The following SOX6 variants were observed in gnomAD, a reference collection of about 807,000 sequenced individuals.
The protein encoded by SOX6 is SRY-box transcription factor 6, also known as transcription factor SOX-6.
A neutral mutation model predicts 97.8 loss-of-function variants in SOX6; 11 were observed. That is an observed-to-expected ratio of 0.11 (90% CI 0.07 to 0.19). SOX6 has a LOEUF of 0.19. Ranked by LOEUF, SOX6 falls within the 10% of genes least tolerant of loss-of-function variation. The pLI is 1.00. For synonymous variants in SOX6, 360 were observed against 371.4 expected, an observed-to-expected ratio of 0.97 and a Z score of 0.35; for missense variants, 810 against 1,039.5, an observed-to-expected ratio of 0.78 and a Z score of 3.04.
At chr11:16,087,910 T>C (rs1431555771) in intron 9 of SOX6, among the ~76,000 whole-genome samples, 3 of 152,032 alleles carry the variant, frequency 2.0e-5, no homozygotes, top group African/African-American at 7.2e-5. Flanking sequence ...TTCTTTGCTG[T>C]GGGTGGCTGT....
intron 14 of SOX6, among the ~76,000 whole-genome samples, chr11:15,987,510 T>A (rs1226623959): frequency 6.6e-6 from 1 of 152,182 alleles, no homozygotes; most frequent in South Asian, 2.1e-4. Context: ...ATACTTACTA[T>A]ATTCCTAATA....
chr11:16,035,116 G>T (rs907996620), intron 12 of SOX6, among the ~76,000 whole-genome samples: 1 of 152,102 alleles, frequency 6.6e-6, no homozygotes, highest in Non-Finnish European at 1.5e-5. Flanking sequence ...AGAGTTACAC[G>T]CATTGTGCAG....
At chr11:16,576,044 T>C (rs189662943) in intron 4 of SOX6, among the ~76,000 whole-genome samples, 139 of 5,410 alleles carry the variant, frequency 0.026, 67 homozygotes, top group South Asian at 0.33. Context: ...CCGGGCGCGG[T>C]GGCTCACGCC....
chr11:16,279,765 G>T (rs908769019), intron 3 of SOX6, among the ~76,000 whole-genome samples: 1 of 152,002 alleles, frequency 6.6e-6, no homozygotes, highest in Admixed American at 6.6e-5. Flanking sequence ...ATTTTTATTT[G>T]ATTTAGTTTT....
intron 1 of SOX6, chr11:16,434,357 A>T (rs1279997350): frequency 6.6e-6 from 1 of 152,126 alleles, no homozygotes; most frequent in African/African-American, 2.4e-5. Context: ...TCAAAAAAAA[A>T]TAGTTACTAA....
chr11:16,075,929 C>A (rs1395385660), intron 9 of SOX6, among the ~76,000 whole-genome samples: 1 of 152,070 alleles, frequency 6.6e-6, no homozygotes, highest in African/African-American at 2.4e-5. Flanking sequence ...GAGAACAGCA[C>A]AGGAAGAACC....
intron 6 of SOX6, among the ~76,000 whole-genome samples, chr11:16,123,775 A>C (rs1003075423): frequency 6.6e-6 from 1 of 152,100 alleles, no homozygotes; most frequent in Non-Finnish European, 1.5e-5. Flanking sequence ...TGATTTTTAA[A>C]AAGCAATTTA....
At chr11:16,000,732 G>A (rs879935457) in intron 13 of SOX6, among the ~76,000 whole-genome samples, 35 of 152,190 alleles carry the variant, frequency 2.3e-4, no homozygotes, top group South Asian at 6.2e-4. Context: ...GTGTGTGTGC[G>A]CGCGTGCGCG....
At chr11:16,280,183 A>T (rs1228976465) in intron 3 of SOX6, among the ~76,000 whole-genome samples, 1 of 152,092 alleles carries the variant, frequency 6.6e-6, no homozygotes, top group Non-Finnish European at 1.5e-5. Flanking sequence ...TGGAGATGTC[A>T]GTTTTGTCGA....
chr11:16,738,463 G>A, exon 1 of SOX6: 1 of 439,194 alleles, frequency 2.3e-6, no homozygotes, highest in Non-Finnish European at 4.2e-6. Context: ...TCCACCAGCC[G>A]AAGGCGGGGC....
chr11:16,713,571 T>C (rs1173415447), intron 3 of SOX6, among the ~76,000 whole-genome samples: 2 of 152,150 alleles, frequency 1.3e-5, no homozygotes, highest in African/African-American at 4.8e-5. Flanking sequence ...AGCTAGTAAC[T>C]CTAAAATTCA....
chr11:16,028,514 G>T (rs1404982259), intron 12 of SOX6, among the ~76,000 whole-genome samples: 1 of 152,102 alleles, frequency 6.6e-6, no homozygotes, highest in Non-Finnish European at 1.5e-5. Context: ...AACCAAACTG[G>T]CTAGGAGGGA....
chr11:16,632,483 G>A (rs1042642052), intron 3 of SOX6, among the ~76,000 whole-genome samples: 7 of 152,130 alleles, frequency 4.6e-5, no homozygotes, highest in East Asian at 1.9e-4. Flanking sequence ...TTTACTGGCC[G>A]AAGCTCTCTG....
In SOX6 at chr11:16,510,145, C is replaced by A. The variant is rs150214838; in HGVS notation, n.610-33757G>T. Among the ~76,000 whole-genome samples, 1,125 of 152,144 alleles carry A rather than the reference C, an allele frequency of 7.4e-3. 6 individuals are homozygous for A. Among genetic ancestry groups the A allele is most frequent in the Middle Eastern group, 0.02 (6 of 294 alleles). On this transcript the variant is annotated intron_variant and non_coding_transcript_variant, in intron 4 of 5. Transcript: ENST00000524520. Reference sequence around the variant, plus strand: ...TGAGGAAGGAAAAGGTTGCCACTCTCAAAATTCAGAAGCTGTTAATTCACA... The same window carrying A: ...TGAGGAAGGAAAAGGTTGCCACTCTAAAAATTCAGAAGCTGTTAATTCACA...
chr11:16,593,270 A>C (rs1245497959), intron 4 of SOX6, among the ~76,000 whole-genome samples: 1 of 152,280 alleles, frequency 6.6e-6, no homozygotes, highest in East Asian at 1.9e-4. Flanking sequence ...GGGAGTGCCC[A>C]CCATCTTCCC....
chr11:16,600,254 G>A (rs535627689), intron 4 of SOX6, among the ~76,000 whole-genome samples: 43 of 152,194 alleles, frequency 2.8e-4, no homozygotes, highest in South Asian at 2.1e-3. Context: ...CTTCACATAT[G>A]GTCTCATGCA....
intron 9 of SOX6, among the ~76,000 whole-genome samples, chr11:16,080,609 AT>A (rs1198889468): frequency 6.6e-6 from 1 of 152,198 alleles, no homozygotes; most frequent in Non-Finnish European, 1.5e-5. Context: ...ACTTATTGGC[AT>A]TTTTATTTAA....
chr11:16,036,061 T>A (rs1855510046), intron 12 of SOX6, among the ~76,000 whole-genome samples: 1 of 151,894 alleles, frequency 6.6e-6, no homozygotes, highest in Admixed American at 6.6e-5. Context: ...AAGGGCTCTT[T>A]TAGCTCTGAT....
At chr11:16,337,723 G>A (rs1453926564) in intron 2 of SOX6, among the ~76,000 whole-genome samples, 1 of 152,074 alleles carries the variant, frequency 6.6e-6, no homozygotes, top group African/African-American at 2.4e-5. Flanking sequence ...ACAATTTGGT[G>A]TGTATAAATA....
Sources: allele counts gnomAD v4.1 joint callset (sites outside exome capture counted in the v4.1 genomes callset), GRCh38; gene constraint gnomAD v4.1.1; transcripts MANE v1.5; gene names NCBI Gene and HGNC (gene_info 2026-07-23, HGNC 2026-07-21).